KCNT1: variants seen among roughly 807,000 people sequenced by gnomAD.
KCNT1 encodes potassium channel subfamily T member 1.
A neutral mutation model predicts 147.8 loss-of-function variants in KCNT1; 78 were observed. The ratio of observed to expected loss-of-function variants is 0.53; its 90% CI spans 0.44 to 0.64. KCNT1 has a LOEUF of 0.64. KCNT1 is among the 30% of genes least tolerant of loss of function. The pLI is 0.00. For synonymous variants in KCNT1, 867 were observed against 748.8 expected (o/e 1.16, Z -2.58); for missense variants, 1,419 against 1,750.3 (o/e 0.81, Z 3.38).
chr9:135,780,870 G>C (rs945256378), intron 24 of KCNT1, among the ~76,000 whole-genome samples: 1 of 152,268 alleles, frequency 6.6e-6, no homozygotes, highest in Non-Finnish European at 1.5e-5. Context: ...GTCTGACCCT[G>C]TGTGGACAGG....
intron 9 of KCNT1, 63 bp downstream of exon 9, chr9:135,757,444 G>A: frequency 1.4e-6 from 2 of 1,473,176 alleles, no homozygotes; most frequent in East Asian, 2.3e-5. Context: ...CACCGGCCCT[G>A]GAAGACACTG....
chr9:135,770,198 A>G (rs1256158449), intron 16 of KCNT1, 100 bp from the exon 17 acceptor site: 7 of 1,451,710 alleles, frequency 4.8e-6, no homozygotes, highest in Non-Finnish European at 6.5e-6. Flanking sequence ...GAGGGGATCC[A>G]TGCCAGGGGA....
At chr9:135,712,071 T>C (rs995392643) in intron 1 of KCNT1, among the ~76,000 whole-genome samples, 1 of 152,136 alleles carries the variant, frequency 6.6e-6, no homozygotes, top group African/African-American at 2.4e-5. Context: ...CTCTTGCCAC[T>C]CTCTGGGCCT....
intron 8 of KCNT1, 22 bp from the exon 9 acceptor site, chr9:135,757,276 C>A: frequency 1.2e-6 from 2 of 1,612,722 alleles, no homozygotes; most frequent in South Asian, 2.2e-5. Flanking sequence ...GGAGCCCCAG[C>A]CCTGACCTGT....
intron 6 of KCNT1, 101 bp from the exon 7 acceptor site, chr9:135,756,772 A>G: frequency 1.0e-6 from 1 of 955,082 alleles, no homozygotes; most frequent in Non-Finnish European, 1.7e-6. Context: ...CCCCAGACAC[A>G]CACCTGGCTT....
intron 2 of KCNT1, among the ~76,000 whole-genome samples, chr9:135,715,020 C>T (rs1013277773): frequency 6.6e-6 from 1 of 152,322 alleles, no homozygotes; most frequent in East Asian, 1.9e-4. Context: ...TGCTCCCAAC[C>T]CCCAGCACCC....
intron 6 of KCNT1, among the ~76,000 whole-genome samples, chr9:135,755,433 A>G (rs1480654175): frequency 6.7e-6 from 1 of 149,906 alleles, no homozygotes; most frequent in African/African-American, 2.5e-5. Flanking sequence ...AGCACTGAGG[A>G]CAAACCCAGC....
chr9:135,731,960 GTATATATATA>G (rs776201547), intron 2 of KCNT1, among the ~76,000 whole-genome samples: 726 of 41,424 alleles, frequency 0.018, 55 homozygotes, highest in Middle Eastern at 0.17. Context: ...AAATATGCGT[GTATATATATA>G]TATATATATA....
Position 135,750,113 on chromosome 9 carries a change from C to A in KCNT1, c.270C>A (p.Phe90Leu). 7.4e-6 allele frequency: 12 copies of A among 1,613,870 alleles called. No individual in the cohort carries two copies. Among genetic ancestry groups the A allele is most frequent in the Non-Finnish European group, 1.0e-5 (12 of 1,179,940 alleles). The change falls in exon 3 of 31, where the codon TTC (phenylalanine) becomes TTA (leucine). Residue 90 changes from phenylalanine to leucine, a missense_variant. By Grantham distance (22) the Phe-to-Leu change is conservative. Around this residue, in one of 5 missense-constraint regions of KCNT1, gnomAD observed 181 missense variants for 155.7 expected, o/e 1.16. Transcript: ENST00000371757. ...GCTTCTTCAGGGTCCAGGTGGAGTT[C>A]TACGTCAACGAGAACACCTTCAAGG... Reference protein sequence around the residue: ...FQNDDRVQVEFYVNENTFKER... With the variant: ...FQNDDRVQVELYVNENTFKER...
At chr9:135,779,592 G>A in intron 24 of KCNT1, 122 bp downstream of exon 24, 1 of 728,454 alleles carries the variant, frequency 1.4e-6, no homozygotes, top group South Asian at 1.6e-5. Flanking sequence ...CTCCTGCTGG[G>A]GAACTCAGGA....
intron 25 of KCNT1, 45 bp from the exon 26 acceptor site, chr9:135,784,490 C>A: frequency 1.0e-5 from 1 of 97,180 alleles, no homozygotes; most frequent in Non-Finnish European, 2.0e-5. Flanking sequence ...TGGCTCCCTC[C>A]CTCCCTCCCT....
intron 2 of KCNT1, among the ~76,000 whole-genome samples, chr9:135,715,121 C>T (rs916360111): frequency 2.6e-5 from 4 of 152,230 alleles, no homozygotes; most frequent in Admixed American, 2.6e-4. Flanking sequence ...CCTCCAGGCT[C>T]AGGCAGCGGT....
intron 2 of KCNT1, among the ~76,000 whole-genome samples, chr9:135,735,166 C>A (rs939283580): frequency 2.0e-5 from 3 of 152,238 alleles, no homozygotes; most frequent in African/African-American, 7.2e-5. Flanking sequence ...CCACGACAGG[C>A]AGCCAGGGCG....
intron 20 of KCNT1, among the ~76,000 whole-genome samples, chr9:135,776,973 C>T (rs1833214313): frequency 6.6e-6 from 1 of 152,246 alleles, no homozygotes; most frequent in African/African-American, 2.4e-5. Flanking sequence ...GAAACCAAGA[C>T]CTGGGCACGT....
At chr9:135,742,402 G>A (rs959561877) in intron 2 of KCNT1, among the ~76,000 whole-genome samples, 1 of 152,206 alleles carries the variant, frequency 6.6e-6, no homozygotes, top group Non-Finnish European at 1.5e-5. Context: ...CGTGGCTGAA[G>A]GGTGGCCCTC....
At chr9:135,704,621 C>T (rs894741134) in intron 1 of KCNT1, among the ~76,000 whole-genome samples, 9 of 152,222 alleles carry the variant, frequency 5.9e-5, no homozygotes, top group Non-Finnish European at 4.4e-5. Flanking sequence ...CCCTGCCCAG[C>T]GCACTTCGCA....
chr9:135,740,544 G>T (rs1195529920), intron 2 of KCNT1, among the ~76,000 whole-genome samples: 1 of 152,214 alleles, frequency 6.6e-6, no homozygotes, highest in Non-Finnish European at 1.5e-5. Flanking sequence ...CTCCTCACCT[G>T]GGCTCCTTCC....
intron 6 of KCNT1, among the ~76,000 whole-genome samples, chr9:135,755,853 C>T (rs1168401820): frequency 1.3e-5 from 2 of 151,696 alleles, no homozygotes; most frequent in Non-Finnish European, 2.9e-5. Flanking sequence ...AGGACAAACC[C>T]AGGCTCAGTG....
intron 28 of KCNT1, chr9:135,785,602 G>A (rs1833984730): frequency 5.0e-6 from 3 of 599,866 alleles, no homozygotes; most frequent in Non-Finnish European, 9.0e-6. Context: ...CCCCCTCCCA[G>A]GCCCCACCAA....
Sources: gnomAD v4.1 joint callset for allele counts (sites outside exome capture counted in the v4.1 genomes callset) on GRCh38, gnomAD v4.1.1 for gene constraint, gnomAD v4.1.1 regional missense constraint, MANE v1.5 for transcripts, NCBI Gene and HGNC (gene_info 2026-07-23, HGNC 2026-07-21) for gene names.